The following PAX3 variants were observed in gnomAD, a reference collection of about 807,000 sequenced individuals.
The protein encoded by PAX3 is paired box 3, also known as paired box protein Pax-3.
PAX3 carries 14 observed loss-of-function variants against 51.6 expected under a neutral mutation model. The observed-to-expected ratio is 0.27, with a 90% CI of 0.18 to 0.42. The LOEUF (loss-of-function observed/expected upper bound fraction) is 0.42, where lower values mean the gene tolerates loss of function less well. Among genes scored for constraint, PAX3 ranks in the 10% least tolerant of loss-of-function variants. The pLI, the probability that PAX3 is intolerant of heterozygous loss-of-function variation, is 1.00. For missense variants in PAX3, 540 were observed against 642.8 expected (o/e 0.84, Z 1.73); for synonymous variants, 280 against 253.4 (o/e 1.11, Z -1.00).
intron 4 of PAX3, among the ~76,000 whole-genome samples, chr2:222,288,127 TAAAC>T (rs1015566384): frequency 7.2e-5 from 11 of 152,320 alleles, no homozygotes; most frequent in South Asian, 4.1e-4. Flanking sequence ...ATTGTGTTCT[TAAAC>T]AAACAAACAA....
chr2:222,228,943 A>AAAAC (rs754864434), intron 5 of PAX3, among the ~76,000 whole-genome samples: 8 of 152,232 alleles, frequency 5.3e-5, no homozygotes, highest in Middle Eastern at 3.4e-3. Flanking sequence ...TCTGTCTCAA[A>AAAAC]AAACAAACAA....
intron 5 of PAX3, among the ~76,000 whole-genome samples, chr2:222,224,334 A>G (rs1692303430): frequency 6.6e-6 from 1 of 152,202 alleles, no homozygotes; most frequent in Admixed American, 6.5e-5. Flanking sequence ...TTTAGGCTAA[A>G]TAAATCCAGA....
intron 4 of PAX3, among the ~76,000 whole-genome samples, chr2:222,245,147 A>AAAAAAG (rs1374401999): frequency 6.6e-6 from 1 of 152,200 alleles, no homozygotes; most frequent in Non-Finnish European, 1.5e-5. Context: ...GACTGTCTCA[A>AAAAAAG]AAAAAGAAAA....
chr2:222,260,537 T>A (rs1693805432), intron 4 of PAX3, among the ~76,000 whole-genome samples: 1 of 147,216 alleles, frequency 6.8e-6, no homozygotes. Context: ...GAAAAAACTA[T>A]TTCAAGCAAC....
intron 4 of PAX3, among the ~76,000 whole-genome samples, chr2:222,244,098 A>G (rs558259374): frequency 1.1e-4 from 17 of 152,324 alleles, no homozygotes; most frequent in African/African-American, 3.6e-4. Context: ...CATCCAACCA[A>G]TGGACCTAGG....
At chr2:222,203,970 G>A (rs1267684721) in intron 7 of PAX3, among the ~76,000 whole-genome samples, 1 of 152,092 alleles carries the variant, frequency 6.6e-6, no homozygotes, top group South Asian at 2.1e-4. Context: ...ACACACATGG[G>A]AAGGTGGGCT....
intron 4 of PAX3, among the ~76,000 whole-genome samples, chr2:222,289,140 A>G (rs556325571): frequency 4.1e-4 from 62 of 152,326 alleles, no homozygotes; most frequent in Non-Finnish European, 8.4e-4. Flanking sequence ...TACATTCTAA[A>G]TGGTTCTTTA....
At chr2:222,227,907 T>C (rs1692445852) in intron 5 of PAX3, among the ~76,000 whole-genome samples, 1 of 152,128 alleles carries the variant, frequency 6.6e-6, no homozygotes, top group Non-Finnish European at 1.5e-5. Context: ...GTCCCATTTC[T>C]ATTTAGAAGA....
chr2:222,260,501 A>G (rs1574707868), intron 4 of PAX3, among the ~76,000 whole-genome samples: 1 of 149,964 alleles, frequency 6.7e-6, no homozygotes, highest in African/African-American at 2.4e-5. Flanking sequence ...CTCTATTTCA[A>G]TACCATAAGG....
chr2:222,232,415 G>T (rs915450288), intron 4 of PAX3, 132 bp from the exon 5 acceptor site: 12 of 767,522 alleles, frequency 1.6e-5, no homozygotes, highest in Non-Finnish European at 2.5e-5. Context: ...AATAAATGTG[G>T]ATCAAAAAAC....
At position 222,221,403 on chromosome 2, in the gene PAX3, A is replaced by C. The variant is rs889099740; in HGVS notation, c.793-16T>G. On this transcript the variant is annotated splice_polypyrimidine_tract_variant and intron_variant, in intron 5 of 8. Coordinates refer to ENST00000392070, the MANE Select transcript of PAX3 (RefSeq NM_181458.4). ...TAAACCAGACCTATGGATTTAATTT[A>C]AAATTTAAGGATTTCACTGATGAAA... 16 of 1,610,500 alleles carry C rather than the reference A, an allele frequency of 9.9e-6. No individual in the cohort carries two copies. The Admixed American group carries it at 2.7e-4, about 27-fold the overall frequency.
At position 222,232,089 on chromosome 2, in the gene PAX3, C is replaced by A. The variant is rs1171269735; in HGVS notation, c.781G>T (p.Ala261Ser). Reference protein sequence around the residue: ...ELAQRAKLTEARVQVWFSNRR... With the variant: ...ELAQRAKLTESRVQVWFSNRR... ...TTGGGCAACAGTACCTGTACTCGGG[C>A]CTCGGTGAGCTTCGCCCTCTGGGCC... Residue 261 changes from alanine to serine, a missense_variant, in exon 5 of 9, where the codon GCC (alanine) becomes TCC (serine). Coordinates refer to ENST00000392070, the MANE Select transcript of PAX3 (RefSeq NM_181458.4). 6.2e-7 allele frequency: 1 copy of A among 1,613,882 alleles called. No homozygotes were observed. The highest frequency in any genetic ancestry group is 1.7e-5 in the Admixed American group (1 of 59,998).
chr2:222,224,704 T>C (rs1692319522), intron 5 of PAX3, among the ~76,000 whole-genome samples: 1 of 152,250 alleles, frequency 6.6e-6, no homozygotes, highest in African/African-American at 2.4e-5. Flanking sequence ...AAGTCTTAGA[T>C]AACTCTTTCA....
chr2:222,264,881 A>T (rs1336033349), intron 4 of PAX3: 1 of 152,174 alleles, frequency 6.6e-6, no homozygotes, highest in Admixed American at 6.5e-5. Flanking sequence ...TGACCATTCC[A>T]TACCTTTGCC....
chr2:222,227,143 A>C (rs1312342623), intron 5 of PAX3, among the ~76,000 whole-genome samples: 1 of 152,128 alleles, frequency 6.6e-6, no homozygotes, highest in African/African-American at 2.4e-5. Context: ...ACATTTGTCA[A>C]CTGGGAACGA....
intron 7 of PAX3, among the ~76,000 whole-genome samples, chr2:222,206,888 G>A (rs945666334): frequency 3.3e-5 from 5 of 152,082 alleles, no homozygotes; most frequent in African/African-American, 4.8e-5. Flanking sequence ...ACATCCAGGC[G>A]CTTCTTTTTT....
chr2:222,259,632 G>A (rs112764411), intron 4 of PAX3, among the ~76,000 whole-genome samples: 3 of 152,144 alleles, frequency 2.0e-5, no homozygotes, highest in African/African-American at 7.2e-5. Flanking sequence ...ACACAATTTA[G>A]CATTCTTACC....
At chr2:222,288,207 T>C (rs536548932) in intron 4 of PAX3, among the ~76,000 whole-genome samples, 11 of 152,366 alleles carry the variant, frequency 7.2e-5, no homozygotes, top group African/African-American at 2.2e-4. Flanking sequence ...AGGAAATATT[T>C]CTCCTGGCAT....
At chr2:222,281,297 C>T (rs1202006679) in intron 4 of PAX3, among the ~76,000 whole-genome samples, 3 of 152,202 alleles carry the variant, frequency 2.0e-5, no homozygotes, top group African/African-American at 7.2e-5. Flanking sequence ...ACTAACAATT[C>T]CAGATCCCAT....
Sources: allele counts gnomAD v4.1 joint callset (sites outside exome capture counted in the v4.1 genomes callset), GRCh38; gene constraint gnomAD v4.1.1; transcripts MANE v1.5; gene names NCBI Gene and HGNC (gene_info 2026-07-23, HGNC 2026-07-21).